Variants in CTIF observed in about 807,000 individuals in gnomAD.
The protein encoded by CTIF is cap binding complex dependent translation initiation factor, also known as CBP80/20-dependent translation initiation factor.
CTIF carries 21 observed loss-of-function variants against 66.0 expected under a neutral mutation model. That is an observed-to-expected ratio of 0.32 (90% CI 0.23 to 0.46). The LOEUF is 0.46. CTIF is among the 20% of genes least tolerant of loss of function. CTIF has a pLI of 1.00. For missense variants in CTIF, 739 were observed against 812.7 expected (o/e 0.91, Z 1.10); for synonymous variants, 345 against 326.4 (o/e 1.06, Z -0.62).
intron 7 of CTIF, among the ~76,000 whole-genome samples, chr18:48,750,974 T>C (rs11082700): frequency 0.57 from 86,900 of 152,064 alleles, 25,045 homozygotes; most frequent in East Asian, 0.78. Flanking sequence ...TTGGTGCAAG[T>C]TGTGTGTCCT....
chr18:48,755,282 G>A (rs1393276297), intron 7 of CTIF, among the ~76,000 whole-genome samples: 1 of 152,234 alleles, frequency 6.6e-6, no homozygotes, highest in Non-Finnish European at 1.5e-5. Context: ...GAAGTTAAAG[G>A]AGGGAGAATT....
chr18:48,707,616 T>TC (rs2092174589), intron 6 of CTIF, among the ~76,000 whole-genome samples: 2 of 150,414 alleles, frequency 1.3e-5, no homozygotes, highest in Non-Finnish European at 2.9e-5. Flanking sequence ...TCCTCCTCCT[T>TC]CTCCTCTTCC....
chr18:48,830,765 C>A (rs1477412041), intron 10 of CTIF, among the ~76,000 whole-genome samples: 1 of 149,278 alleles, frequency 6.7e-6, no homozygotes, highest in African/African-American at 2.5e-5. Context: ...CCTGTCCCCC[C>A]ACCACTGTCC....
At position 48,859,580 on chromosome 18, in the gene CTIF, C is replaced by T. The variant is rs766673417; in HGVS notation, c.*21C>T. The T allele has an allele frequency of 3.7e-5, 59 of 1,610,220 alleles. No homozygotes were observed. Among genetic ancestry groups the T allele is most frequent in the South Asian group, 1.6e-4 (15 of 91,024 alleles). The stretch of plus-strand genomic sequence containing the variant: ...CCTGACAGCCAGGGGGCCTGGCAGG[C>T]GGCCCACGGGCAGCTGGGGCCCTGG... On this transcript the variant is annotated 3_prime_UTR_variant, in exon 12 of 12. Coordinates refer to ENST00000256413, the MANE Select transcript of CTIF (RefSeq NM_014772.3).
intron 10 of CTIF, among the ~76,000 whole-genome samples, chr18:48,838,444 A>C (rs913654534): frequency 1.3e-5 from 2 of 152,122 alleles, no homozygotes; most frequent in African/African-American, 4.8e-5. Flanking sequence ...GGGTCCTTGC[A>C]CAGGCAGATA....
rs995903694 is a variant in CTIF, at chr18:48,713,391, A to C, written c.584+1696A>C. 2.0e-5 allele frequency among the ~76,000 whole-genome samples: 3 copies of C among 152,084 alleles called. No individual in the cohort carries two copies. In the East Asian group the frequency reaches 5.8e-4, roughly 29 times the overall value. On this transcript the variant is annotated intron_variant, in intron 7 of 11. Coordinates refer to ENST00000256413, the MANE Select transcript of CTIF (RefSeq NM_014772.3). The stretch of plus-strand genomic sequence containing the variant: ...AGCATCCAGGTCAGCCTGCATGTCC[A>C]TTTCTGGGCCAGGTCACCTCACTCA...
intron 9 of CTIF, among the ~76,000 whole-genome samples, chr18:48,764,140 T>C (rs559083116): frequency 6.6e-6 from 1 of 152,230 alleles, no homozygotes; most frequent in South Asian, 2.1e-4. Flanking sequence ...ACACTCCTAC[T>C]TCAGGTGGTG....
chr18:48,859,660 G>T lies in CTIF; in HGVS notation c.*101G>T, dbSNP rs1282704679. On this transcript the variant is annotated 3_prime_UTR_variant, in exon 12 of 12. Transcript: ENST00000256413. ...ACAGGGGTGGCCCTGGCGGGAGAAAGAAATGGGGAGGAGGGCAGGCAGAGT... is the reference window on the plus strand; with the variant it reads ...ACAGGGGTGGCCCTGGCGGGAGAAATAAATGGGGAGGAGGGCAGGCAGAGT... 9.0e-7 allele frequency: 1 copy of T among 1,106,398 alleles called. No homozygotes were observed. 68.5% of individuals were successfully genotyped at this position (1,106,398 alleles called of 1,614,324 possible).
intron 10 of CTIF, among the ~76,000 whole-genome samples, chr18:48,825,300 G>A (rs1041100517): frequency 6.6e-6 from 1 of 152,038 alleles, no homozygotes; most frequent in African/African-American, 2.4e-5. Flanking sequence ...GGAGAGGGCA[G>A]ATGCCTCTGA....
At chr18:48,655,396 T>G (rs1335754782) in intron 3 of CTIF, among the ~76,000 whole-genome samples, 1 of 151,750 alleles carries the variant, frequency 6.6e-6, no homozygotes, top group African/African-American at 2.4e-5. Flanking sequence ...AGAATCCTGT[T>G]TTCTCCACTC....
intron 6 of CTIF, among the ~76,000 whole-genome samples, chr18:48,706,112 G>C (rs540755688): frequency 7.0e-4 from 106 of 152,232 alleles, no homozygotes; most frequent in Non-Finnish European, 1.3e-3. Flanking sequence ...TGAACAGAGA[G>C]GTCTTCCCTG....
intron 1 of CTIF, chr18:48,567,628 G>C (rs1006712022): frequency 6.6e-6 from 1 of 152,274 alleles, no homozygotes; most frequent in Non-Finnish European, 1.5e-5. Flanking sequence ...AGCAGTCAGA[G>C]AAGGCTTCCT....
chr18:48,835,703 T>C lies in CTIF; in HGVS notation c.1527+18327T>C, dbSNP rs570354933. Among the ~76,000 whole-genome samples, 5 of 152,096 alleles carry C rather than the reference T, an allele frequency of 3.3e-5. No individual in the cohort carries two copies. In the South Asian group the frequency reaches 1.0e-3, roughly 32 times the overall value. On this transcript the variant is annotated intron_variant, in intron 10 of 11. Transcript: ENST00000256413. ...TGGGCACACTGGAGATCATCTGATC[T>C]CCCCCCTCTGGCGTGGTCCATAAAG...
chr18:48,546,886 C>A (rs1404896095), intron 1 of CTIF, among the ~76,000 whole-genome samples: 2 of 152,164 alleles, frequency 1.3e-5, no homozygotes, highest in African/African-American at 4.8e-5. Flanking sequence ...AAATGTGAGA[C>A]CTCAGGCCTG....
chr18:48,698,462 C>T lies in CTIF; in HGVS notation c.508-13157C>T, dbSNP rs546428563. 1.2e-4 allele frequency among the ~76,000 whole-genome samples: 19 copies of T among 152,298 alleles called. No individual in the cohort carries two copies. In the East Asian group the frequency reaches 3.7e-3, roughly 29 times the overall value. Reference sequence around the variant, plus strand: ...TCCTGGGTTCCAGTGATTCTCCTACCTCGGCCTCCCAAAGTGCTGGGATTA... The same window carrying T: ...TCCTGGGTTCCAGTGATTCTCCTACTTCGGCCTCCCAAAGTGCTGGGATTA... On this transcript the variant is annotated intron_variant, in intron 6 of 11. Coordinates refer to ENST00000256413, the MANE Select transcript of CTIF (RefSeq NM_014772.3).
chr18:48,611,389 C>T (rs576757907), intron 1 of CTIF, among the ~76,000 whole-genome samples: 91 of 152,350 alleles, frequency 6.0e-4, no homozygotes, highest in Non-Finnish European at 9.1e-4. Flanking sequence ...TTCTGAGCTC[C>T]GCCCTGGGCC....
rs149975905 is a variant in CTIF at position 48,571,031 on chromosome 18, T to C, written c.-29+31719T>C. On this transcript the variant is annotated intron_variant, in intron 1 of 11. Coordinates refer to ENST00000256413, the MANE Select transcript of CTIF (RefSeq NM_014772.3). ...AAGATGCCTAAAGTAGTTAATTTCA[T>C]GTTACATGAATTTCACTTTAATAAT... Among the ~76,000 whole-genome samples, 91 of 152,322 alleles carry C rather than the reference T, an allele frequency of 6.0e-4. No individual in the cohort carries two copies. In the East Asian group the frequency reaches 0.017, roughly 28 times the overall value.
intron 9 of CTIF, among the ~76,000 whole-genome samples, chr18:48,778,005 G>T (rs571015810): frequency 1.3e-5 from 2 of 152,180 alleles, no homozygotes; most frequent in Non-Finnish European, 2.9e-5. Flanking sequence ...TTTCAACACC[G>T]CCAATTTGTT....
chr18:48,782,508 CTG>C (rs1220874162), intron 9 of CTIF, among the ~76,000 whole-genome samples: 2 of 152,244 alleles, frequency 1.3e-5, no homozygotes, highest in Non-Finnish European at 2.9e-5. Flanking sequence ...GGTGACAAGA[CTG>C]TGAGCGGGAG....
Sources: allele counts gnomAD v4.1 joint callset (sites outside exome capture counted in the v4.1 genomes callset), GRCh38; gene constraint gnomAD v4.1.1; transcripts MANE v1.5; gene names NCBI Gene and HGNC (gene_info 2026-07-23, HGNC 2026-07-21).